COL5A2: variants seen among roughly 807,000 people sequenced by gnomAD.
COL5A2 encodes the protein collagen alpha-2(V) chain.
In COL5A2, 23 loss-of-function variants were observed where a neutral mutation model predicts 208.2. That is an observed-to-expected ratio of 0.11 (90% CI 0.08 to 0.16). The LOEUF is 0.16. Among genes scored for constraint, COL5A2 ranks in the 10% least tolerant of loss-of-function variants. The pLI is 1.00. For synonymous variants in COL5A2, 625 were observed against 628.5 expected (o/e 0.99, Z 0.08); for missense variants, 1,590 against 1,956.4 (o/e 0.81, Z 3.53).
At chr2:189,377,375 C>T in the COL5A2 span, among the ~76,000 whole-genome samples, 1 of 152,166 alleles carries the variant, frequency 6.6e-6, no homozygotes, top group Non-Finnish European at 1.5e-5. Context: ...TACAGACCTA[C>T]ATTATACCGG....
chr2:189,403,139 T>G, the COL5A2 span, among the ~76,000 whole-genome samples: 1 of 152,198 alleles, frequency 6.6e-6, no homozygotes, highest in East Asian at 1.9e-4. Context: ...CCTGGTGAGC[T>G]GCATTCCTAT....
At chr2:189,314,443 TAAGAGGG>T in the COL5A2 span, among the ~76,000 whole-genome samples, 1 of 152,108 alleles carries the variant, frequency 6.6e-6, no homozygotes, top group Non-Finnish European at 1.5e-5. Flanking sequence ...ACAGCAGTTT[TAAGAGGG>T]AAATTTACAG....
At position 189,057,352 on chromosome 2, in the gene COL5A2, T is replaced by C; in HGVS notation, c.2305A>G (p.Ile769Val). Residue 769 changes from isoleucine to valine, a missense_variant, in exon 34 of 54, where the codon ATT (isoleucine) becomes GTT (valine). By Grantham distance (29) the Ile-to-Val change is conservative. Transcript: ENST00000374866. ...CCCTTGGGGCCAGGAGTTCCTGCAA[T>C]TCCTCTTTCTCCCGGCATACCTTGA... Reference protein sequence around the residue: ...GLQGMPGERGIAGTPGPKGDR... With the variant: ...GLQGMPGERGVAGTPGPKGDR... The C allele has an allele frequency of 6.3e-7, 1 of 1,597,028 alleles. No homozygotes were observed. Among genetic ancestry groups the C allele is most frequent in the East Asian group, 2.3e-5 (1 of 44,256 alleles).
At chr2:189,147,119 T>C (rs1042744501) in intron 1 of COL5A2, among the ~76,000 whole-genome samples, 2 of 152,218 alleles carry the variant, frequency 1.3e-5, no homozygotes, top group African/African-American at 4.8e-5. Context: ...AGTTCTTTTC[T>C]CTTTTAATGT....
the COL5A2 span, among the ~76,000 whole-genome samples, chr2:189,249,684 T>C: frequency 2.6e-5 from 4 of 152,168 alleles, no homozygotes; most frequent in Admixed American, 2.0e-4. Context: ...AGTGTAGTTA[T>C]CTGTGTTTTT....
chr2:189,260,839 G>C, the COL5A2 span, among the ~76,000 whole-genome samples: 1 of 152,092 alleles, frequency 6.6e-6, no homozygotes, highest in Admixed American at 6.6e-5. Flanking sequence ...TAAAGCATGA[G>C]ACCTAGTTAC....
At chr2:189,319,887 C>T in the COL5A2 span, among the ~76,000 whole-genome samples, 1 of 152,178 alleles carries the variant, frequency 6.6e-6, no homozygotes, top group African/African-American at 2.4e-5. Flanking sequence ...CCCTGACCCC[C>T]AGGTAGCCTA....
At chr2:189,303,277 G>C in the COL5A2 span, among the ~76,000 whole-genome samples, 161 of 152,166 alleles carry the variant, frequency 1.1e-3, 1 homozygote, top group Admixed American at 2.9e-3. Flanking sequence ...CCCAAATAAG[G>C]GAGAACTACT....
chr2:189,209,555 T>C (rs995386497), intron 1 of COL5A2, among the ~76,000 whole-genome samples: 1 of 152,148 alleles, frequency 6.6e-6, no homozygotes, highest in South Asian at 2.1e-4. Context: ...ACACAGATAG[T>C]AGTGCTGGAG....
At chr2:189,192,278 T>TA (rs974215988) in intron 1 of COL5A2, among the ~76,000 whole-genome samples, 7 of 151,808 alleles carry the variant, frequency 4.6e-5, no homozygotes, top group Admixed American at 2.0e-4. Context: ...AATTTTAAGT[T>TA]AAAAAAAAGG....
intron 43 of COL5A2, among the ~76,000 whole-genome samples, chr2:189,049,867 G>A (rs1685747865): frequency 6.6e-6 from 1 of 152,082 alleles, no homozygotes; most frequent in Non-Finnish European, 1.5e-5. Context: ...GCTCACTTCT[G>A]ATAACAATAA....
chr2:189,402,448 T>C, the COL5A2 span, among the ~76,000 whole-genome samples: 1 of 152,224 alleles, frequency 6.6e-6, no homozygotes, highest in South Asian at 2.1e-4. Context: ...CTCGATCTCC[T>C]GACCTTGTGA....
At chr2:189,271,713 T>C in the COL5A2 span, among the ~76,000 whole-genome samples, 21,501 of 151,880 alleles carry the variant, frequency 0.14, 1,939 homozygotes, top group South Asian at 0.2. Flanking sequence ...ATCAACAGAG[T>C]GAACAGGCAA....
the COL5A2 span, among the ~76,000 whole-genome samples, chr2:189,410,731 TAAC>T: frequency 1.3e-5 from 2 of 152,228 alleles, no homozygotes; most frequent in East Asian, 1.9e-4. Flanking sequence ...TATGTTTACA[TAAC>T]AAAACAAAAA....
At chr2:189,196,315 T>C (rs1689000260) in intron 1 of COL5A2, among the ~76,000 whole-genome samples, 1 of 150,574 alleles carries the variant, frequency 6.6e-6, no homozygotes, top group Non-Finnish European at 1.5e-5. Flanking sequence ...CTCTTTATTC[T>C]GGCTGCATTT....
chr2:189,128,824 T>C (rs1305977863), intron 1 of COL5A2, among the ~76,000 whole-genome samples: 3 of 152,026 alleles, frequency 2.0e-5, no homozygotes, highest in African/African-American at 7.2e-5. Flanking sequence ...TATCTTCTGC[T>C]TCTTCCTTAT....
chr2:189,352,955 T>G, the COL5A2 span, among the ~76,000 whole-genome samples: 2 of 152,224 alleles, frequency 1.3e-5, no homozygotes, highest in Non-Finnish European at 2.9e-5. Context: ...CATCTTGAGT[T>G]AATTTTTGTA....
At chr2:189,247,031 C>G in the COL5A2 span, among the ~76,000 whole-genome samples, 1 of 152,124 alleles carries the variant, frequency 6.6e-6, no homozygotes, top group Non-Finnish European at 1.5e-5. Flanking sequence ...CCCTCTACTT[C>G]CACACAGAAC....
the COL5A2 span, among the ~76,000 whole-genome samples, chr2:189,353,991 T>C: frequency 6.6e-6 from 1 of 152,216 alleles, no homozygotes; most frequent in African/African-American, 2.4e-5. Context: ...GTTCTTAGAA[T>C]GAAGCGATGT....
Sources: allele counts gnomAD v4.1 joint callset (sites outside exome capture counted in the v4.1 genomes callset), GRCh38; gene constraint gnomAD v4.1.1; transcripts MANE v1.5; gene names NCBI Gene and HGNC (gene_info 2026-07-23, HGNC 2026-07-21).